HORMAD1: variants seen among roughly 807,000 people sequenced by gnomAD.
HORMAD1 encodes HORMA domain containing 1, also known as HORMA domain-containing protein 1.
A neutral mutation model predicts 58.2 loss-of-function variants in HORMAD1; 33 were observed. That is an observed-to-expected ratio of 0.57 (90% CI 0.43 to 0.76). The LOEUF is 0.76. HORMAD1 is among the 30% of genes least tolerant of loss of function. The pLI is 0.00. For synonymous variants in HORMAD1, 137 were observed against 144.6 expected, an observed-to-expected ratio of 0.95 and a Z score of 0.38; for missense variants, 363 against 462.0, an observed-to-expected ratio of 0.79 and a Z score of 1.96.
intron 7 of HORMAD1, among the ~76,000 whole-genome samples, chr1:150,709,796 T>C (rs587636195): frequency 9.4e-4 from 143 of 152,344 alleles, no homozygotes; most frequent in African/African-American, 3.3e-3. Flanking sequence ...AACCGCCCTA[T>C]GGTGGGAGGC....
At chr1:150,703,498 T>G in intron 12 of HORMAD1, 105 bp from the exon 13 acceptor site, 2 of 629,646 alleles carry the variant, frequency 3.2e-6, no homozygotes, top group South Asian at 4.2e-5. Context: ...TTTAGGGTCT[T>G]GTCAAGTTAA....
At chr1:150,708,097 T>G (rs1651753166) in intron 9 of HORMAD1, among the ~76,000 whole-genome samples, 159 bp downstream of exon 9, 1 of 152,226 alleles carries the variant, frequency 6.6e-6, no homozygotes, top group African/African-American at 2.4e-5. Context: ...ATTTTAAAGC[T>G]TAATTTTGTA....
chr1:150,709,024 TTC>T (rs780833539), intron 7 of HORMAD1, 63 bp from the exon 8 acceptor site: 1 of 803,126 alleles, frequency 1.2e-6, no homozygotes, highest in Non-Finnish European at 2.2e-6. Context: ...AATAGCTATA[TTC>T]TGTTTTGTAT....
chr1:150,714,544 G>C (rs1275804559), intron 4 of HORMAD1, 71 bp downstream of exon 4: 1 of 726,560 alleles, frequency 1.4e-6, no homozygotes, highest in African/African-American at 1.9e-5. Context: ...AACACCAAAG[G>C]TATCCAAGGT....
rs1195691594 is a variant in HORMAD1 at position 150,698,648 on chromosome 1, T to C, written c.*6A>G. 2.0e-6 allele frequency: 3 copies of C among 1,498,154 alleles called. No homozygotes were observed. 92.8% of individuals were successfully genotyped at this position (1,498,154 alleles called of 1,614,324 possible). On this transcript the variant is annotated 3_prime_UTR_variant, in exon 15 of 15. Coordinates refer to ENST00000361824, the MANE Select transcript of HORMAD1 (RefSeq NM_032132.5). ...ACTCTGCAAGCCTGCAGAACAAAAA[T>C]AATTTTTATATATGTTCCTTTGGTT...
At chr1:150,700,048 T>C in intron 14 of HORMAD1, 64 bp downstream of exon 14, 1 of 708,598 alleles carries the variant, frequency 1.4e-6, no homozygotes, top group East Asian at 2.7e-5. Flanking sequence ...TTAAATTTAA[T>C]CTGTAGTAAT....
At chr1:150,699,753 C>T (rs369274769) in intron 14 of HORMAD1, among the ~76,000 whole-genome samples, 3 of 150,804 alleles carry the variant, frequency 2.0e-5, no homozygotes, top group Non-Finnish European at 3.0e-5. Flanking sequence ...AGGAGGGTCT[C>T]GATCTCTTGA....
At chr1:150,715,210 G>T (rs73008807) in intron 3 of HORMAD1, among the ~76,000 whole-genome samples, 4,775 of 152,114 alleles carry the variant, frequency 0.031, 267 homozygotes, top group African/African-American at 0.11. Flanking sequence ...CAAGCTGATG[G>T]GTACAAAAAT....
chr1:150,711,869 G>T lies in HORMAD1; in HGVS notation c.280-16C>A. 6 of 1,536,572 alleles carry T rather than the reference G, an allele frequency of 3.9e-6. No homozygotes were observed. The highest frequency in any genetic ancestry group is 5.4e-6 in the Non-Finnish European group (6 of 1,115,520). On this transcript the variant is annotated splice_polypyrimidine_tract_variant and intron_variant, in intron 5 of 14. Transcript: ENST00000361824. Reference sequence around the variant, plus strand: ...CCATCCTTAGCTGAAATACAACAAAGAACAAAAATCTTACTTGTAGTCTAT... The same window carrying T: ...CCATCCTTAGCTGAAATACAACAAATAACAAAAATCTTACTTGTAGTCTAT...
chr1:150,701,934 A>G (rs1258917966), intron 13 of HORMAD1: 2 of 152,202 alleles, frequency 1.3e-5, no homozygotes, highest in Non-Finnish European at 2.9e-5. Flanking sequence ...TCCCTTGCAC[A>G]AGGATGACAT....
At chr1:150,699,958 A>AT (rs1225371702) in intron 14 of HORMAD1, among the ~76,000 whole-genome samples, 154 bp downstream of exon 14, 5 of 152,262 alleles carry the variant, frequency 3.3e-5, no homozygotes, top group Non-Finnish European at 7.4e-5. Context: ...AATCACCTCG[A>AT]TTTTTAGAAC....
In HORMAD1 at chr1:150,714,068, G is replaced by T; in HGVS notation, c.279+17C>A. 1 of 1,441,246 alleles carries T rather than the reference G, an allele frequency of 6.9e-7. No individual in the cohort carries two copies. Among genetic ancestry groups the T allele is most frequent in the Non-Finnish European group, 9.6e-7 (1 of 1,038,504 alleles). The allele number at this position is 1,441,246 out of a possible 1,614,324, so 89.3% of individuals were successfully genotyped here. A position where few individuals can be genotyped will look rare whatever the true frequency, so the allele number is the denominator to read the frequency against. ...TAAACTGTAGAAAAAAAAGGATAAA[G>T]AGATTGCAAGACTTACATATTTTTT... On this transcript the variant is annotated intron_variant, in intron 5 of 14. Coordinates refer to ENST00000361824, the MANE Select transcript of HORMAD1 (RefSeq NM_032132.5).
At chr1:150,708,575 T>G (rs1205114504) in intron 8 of HORMAD1, among the ~76,000 whole-genome samples, 168 bp from the exon 9 acceptor site, 1 of 152,234 alleles carries the variant, frequency 6.6e-6, no homozygotes, top group Non-Finnish European at 1.5e-5. Context: ...AATATTAATA[T>G]CTGCTAGAAA....
chr1:150,706,197 A>G (rs948687173), intron 10 of HORMAD1, among the ~76,000 whole-genome samples: 1 of 152,184 alleles, frequency 6.6e-6, no homozygotes, highest in Non-Finnish European at 1.5e-5. Flanking sequence ...TGTAGAAAAG[A>G]TTCCATCATT....
rs150938732 is a variant in HORMAD1 at position 150,710,970 on chromosome 1, C to T, written c.327+575G>A. Among the ~76,000 whole-genome samples the T allele has an allele frequency of 3.2e-3, 487 of 152,222 alleles. 2 individuals carry two copies. The Middle Eastern group carries it at 0.034, about 11-fold the overall frequency. ...TACTTAGATTTCCTCATCTGTAAAG[C>T]GGAGATGCTAATAGTGGTTACCTCA... On this transcript the variant is annotated intron_variant, in intron 7 of 14. Coordinates refer to ENST00000361824, the MANE Select transcript of HORMAD1 (RefSeq NM_032132.5).
At chr1:150,716,155 T>G (rs1652069982) in intron 3 of HORMAD1, among the ~76,000 whole-genome samples, 2 of 122,912 alleles carry the variant, frequency 1.6e-5, no homozygotes, top group African/African-American at 3.2e-5. Flanking sequence ...GACCACTTTT[T>G]TTTTTTTTTT....
At chr1:150,699,170 GTTGT>G (rs1309256170) in intron 14 of HORMAD1, among the ~76,000 whole-genome samples, 2 of 152,102 alleles carry the variant, frequency 1.3e-5, no homozygotes, top group African/African-American at 4.8e-5. Context: ...TAGGTTTTCA[GTTGT>G]TTAATTCTAA....
intron 7 of HORMAD1, among the ~76,000 whole-genome samples, chr1:150,709,174 T>C (rs180717293): frequency 6.6e-5 from 10 of 152,334 alleles, no homozygotes; most frequent in Admixed American, 4.6e-4. Flanking sequence ...TCCCAACTCA[T>C]TGTAATGTAT....
intron 2 of HORMAD1, 137 bp from the exon 3 acceptor site, chr1:150,717,419 C>G: frequency 2.2e-6 from 1 of 451,840 alleles, no homozygotes. Flanking sequence ...TAGTAATCCC[C>G]CAAAAGTCAG....
Sources: allele counts gnomAD v4.1 joint callset (sites outside exome capture counted in the v4.1 genomes callset), GRCh38; gene constraint gnomAD v4.1.1; transcripts MANE v1.5; gene names NCBI Gene and HGNC (gene_info 2026-07-23, HGNC 2026-07-21).